Variants in ZBTB20 observed in about 807,000 individuals in gnomAD.
ZBTB20 encodes the protein zinc finger and BTB domain-containing protein 20.
ZBTB20 carries 9 observed loss-of-function variants against 56.9 expected under a neutral mutation model. The ratio of observed to expected loss-of-function variants is 0.16; its 90% CI spans 0.10 to 0.28. The LOEUF (loss-of-function observed/expected upper bound fraction) is 0.28, where lower values mean the gene tolerates loss of function less well. Among genes scored for constraint, ZBTB20 ranks in the 10% least tolerant of loss-of-function variants. The pLI is 1.00. For missense variants in ZBTB20, 655 were observed against 1,003.0 expected (o/e 0.65, Z 4.69); for synonymous variants, 417 against 420.7 (o/e 0.99, Z 0.11).
chr3:114,749,568 A>AAATGAAGGAAGGAAGGAAGG (rs2067391851), intron 5 of ZBTB20, among the ~76,000 whole-genome samples: 3 of 135,876 alleles, frequency 2.2e-5, no homozygotes, highest in African/African-American at 8.7e-5. Flanking sequence ...GAAAGAAAGA[A>AAATGAAGGAAGGAAGGAAGG]AAGGAAGGAA....
At chr3:114,414,710 A>G (rs2088339021) in intron 7 of ZBTB20, among the ~76,000 whole-genome samples, 1 of 148,034 alleles carries the variant, frequency 6.8e-6, no homozygotes, top group Non-Finnish European at 1.5e-5. Flanking sequence ...AAAATACTAT[A>G]TATTTATATA....
At position 114,520,228 on chromosome 3, in the gene ZBTB20, T is replaced by A. The variant is rs1577255736; in HGVS notation, c.-294-19837A>T. 3 of 152,290 alleles carry A rather than the reference T, an allele frequency of 2.0e-5. No homozygotes were observed. The East Asian group carries it at 5.8e-4, about 29-fold the overall frequency. 9.4% of individuals were successfully genotyped at this position (152,290 alleles called of 1,614,324 possible). On this transcript the variant is annotated intron_variant, in intron 6 of 11. Coordinates refer to ENST00000675478, the MANE Select transcript of ZBTB20 (RefSeq NM_001348800.3). ...ACAGGAGTCTCTTTAAATATCTCAA[T>A]AATTTGACATTATATCAGTTGAATA... is the stretch of plus-strand genomic sequence containing the variant.
chr3:114,934,399 T>C lies in ZBTB20; in HGVS notation c.-455-34057A>G, dbSNP rs559422121. Reference sequence around the variant, plus strand: ...TGAAATCGCTCATTCCTTTTTCTGATATCCTTTTCCTCCTCCTTTACCTCC... The same window carrying C: ...TGAAATCGCTCATTCCTTTTTCTGACATCCTTTTCCTCCTCCTTTACCTCC... On this transcript the variant is annotated intron_variant, in intron 3 of 11. Transcript: ENST00000675478. Among the ~76,000 whole-genome samples the C allele has an allele frequency of 2.0e-5, 3 of 152,330 alleles. No individual in the cohort carries two copies. The South Asian group carries it at 6.2e-4, about 32-fold the overall frequency.
chr3:114,444,345 G>C (rs2091128446), intron 7 of ZBTB20, among the ~76,000 whole-genome samples: 1 of 152,112 alleles, frequency 6.6e-6, no homozygotes, highest in African/African-American at 2.4e-5. Flanking sequence ...AGAGTCTCTA[G>C]GGAGTACAAT....
intron 2 of ZBTB20, among the ~76,000 whole-genome samples, chr3:115,056,757 C>G (rs1478560408): frequency 6.6e-6 from 1 of 152,036 alleles, no homozygotes; most frequent in Non-Finnish European, 1.5e-5. Context: ...ATCTTACCAT[C>G]TCAATTTTAT....
At chr3:114,383,762 C>T (rs1184228637) in intron 8 of ZBTB20, 2 of 152,178 alleles carry the variant, frequency 1.3e-5, no homozygotes, top group South Asian at 2.1e-4. Context: ...ACATAGCACC[C>T]GTTTACGTCT....
intron 6 of ZBTB20, among the ~76,000 whole-genome samples, chr3:114,566,374 G>A (rs1261378572): frequency 6.6e-6 from 1 of 152,190 alleles, no homozygotes; most frequent in Non-Finnish European, 1.5e-5. Flanking sequence ...ATAAAGAGAA[G>A]GCACTGGCTA....
Position 114,326,169 on chromosome 3 carries a change from T to A in ZBTB20, c.*12836A>T, listed in dbSNP as rs895259107. ...GCATTTCGGCAGCACCCCTTCCTTT[T>A]CTTTCCTGGGTATCTTGCAGTAGAT... On this transcript the variant is annotated 3_prime_UTR_variant, in exon 12 of 12. Coordinates refer to ENST00000675478, the MANE Select transcript of ZBTB20 (RefSeq NM_001348800.3). 5.9e-5 allele frequency: 9 copies of A among 152,206 alleles called. No homozygotes were observed. Among genetic ancestry groups the A allele is most frequent in the African/African-American group, 2.2e-4 (9 of 41,456 alleles). 9.4% of individuals were successfully genotyped at this position (152,206 alleles called of 1,614,324 possible). A position where few individuals can be genotyped will look rare whatever the true frequency, so the allele number is the denominator to read the frequency against.
intron 6 of ZBTB20, among the ~76,000 whole-genome samples, chr3:114,648,074 T>C (rs1272178575): frequency 2.0e-5 from 3 of 152,082 alleles, no homozygotes; most frequent in Non-Finnish European, 4.4e-5. Flanking sequence ...TATTTTGTGC[T>C]ATGTTTTGAC....
At chr3:115,082,845 AAC>A (rs2082847324) in intron 1 of ZBTB20, among the ~76,000 whole-genome samples, 1 of 151,962 alleles carries the variant, frequency 6.6e-6, no homozygotes, top group Non-Finnish European at 1.5e-5. Flanking sequence ...CACATGCACA[AAC>A]ACACACATAT....
In ZBTB20 at chr3:114,777,412, G is replaced by C. The variant is rs1182240965; in HGVS notation, c.-343+23689C>G. Among the ~76,000 whole-genome samples the C allele has an allele frequency of 2.6e-5, 4 of 152,114 alleles. No individual in the cohort carries two copies. The South Asian group carries it at 6.2e-4, about 24-fold the overall frequency. On this transcript the variant is annotated intron_variant, in intron 5 of 11. Transcript: ENST00000675478. The stretch of plus-strand genomic sequence containing the variant: ...CCAGCTACTCGGGAGGCTGAGGCAG[G>C]AGAATCTCTTGAACCCAAGAGGCAG...
chr3:114,928,846 C>T (rs950082550), intron 3 of ZBTB20, among the ~76,000 whole-genome samples: 8 of 152,194 alleles, frequency 5.3e-5, no homozygotes, highest in African/African-American at 1.7e-4. Context: ...CTTATAAAAA[C>T]TTCCACTTAG....
intron 5 of ZBTB20, among the ~76,000 whole-genome samples, chr3:114,720,231 TG>T (rs1309925921): frequency 6.7e-6 from 1 of 149,418 alleles, no homozygotes; most frequent in African/African-American, 2.4e-5. Context: ...AAGTACAAGG[TG>T]TAGTCTCTAT....
intron 8 of ZBTB20, among the ~76,000 whole-genome samples, chr3:114,384,108 C>CTT (rs1309312288): frequency 7.1e-6 from 1 of 140,852 alleles, no homozygotes; most frequent in East Asian, 2.0e-4. Flanking sequence ...CATTCTCTCT[C>CTT]TCTCTCTCTC....
At chr3:114,651,550 TAAAAA>T (rs57059379) in intron 6 of ZBTB20, among the ~76,000 whole-genome samples, 6 of 91,412 alleles carry the variant, frequency 6.6e-5, no homozygotes, top group African/African-American at 1.6e-4. Context: ...GGTTGGATAG[TAAAAA>T]AAAAAAAAAA....
At position 114,666,132 on chromosome 3, in the gene ZBTB20, G is replaced by A. The variant is rs567850795; in HGVS notation, c.-295+27396C>T. Among the ~76,000 whole-genome samples, 14 of 151,968 alleles carry A rather than the reference G, an allele frequency of 9.2e-5. No homozygotes were observed. The South Asian group carries it at 1.5e-3, about 16-fold the overall frequency. Reference sequence around the variant, plus strand: ...CTCTAATCTATCTCCTTTCTCATCCGTTTTTCCTGACTTATTTCCCTTTTC... The same window carrying A: ...CTCTAATCTATCTCCTTTCTCATCCATTTTTCCTGACTTATTTCCCTTTTC... On this transcript the variant is annotated intron_variant, in intron 6 of 11. Coordinates refer to ENST00000675478, the MANE Select transcript of ZBTB20 (RefSeq NM_001348800.3).
intron 5 of ZBTB20, among the ~76,000 whole-genome samples, chr3:114,730,583 A>G (rs904252440): frequency 1.2e-4 from 18 of 152,216 alleles, no homozygotes; most frequent in African/African-American, 4.3e-4. Flanking sequence ...AAGGACAGGA[A>G]GAGACATCAG....
chr3:114,499,520 G>A (rs980039519), intron 7 of ZBTB20, among the ~76,000 whole-genome samples: 15 of 152,162 alleles, frequency 9.9e-5, no homozygotes, highest in Admixed American at 9.8e-4. Context: ...AGCAGCCAGA[G>A]GATACCGATA....
At chr3:114,744,685 T>C (rs1402287464) in intron 5 of ZBTB20, among the ~76,000 whole-genome samples, 1 of 152,188 alleles carries the variant, frequency 6.6e-6, no homozygotes, top group Non-Finnish European at 1.5e-5. Flanking sequence ...ATAGTCACCA[T>C]ATAAATGCAG....
Sources: gnomAD v4.1 joint callset for allele counts (sites outside exome capture counted in the v4.1 genomes callset) on GRCh38, gnomAD v4.1.1 for gene constraint, MANE v1.5 for transcripts, NCBI Gene and HGNC (gene_info 2026-07-23, HGNC 2026-07-21) for gene names.